Variants in ATG3 observed in about 807,000 individuals in gnomAD.
ATG3 encodes the protein autophagy related 3, also known as ubiquitin-like-conjugating enzyme ATG3.
A neutral mutation model predicts 50.7 loss-of-function variants in ATG3; 25 were observed. That is an observed-to-expected ratio of 0.49 (90% confidence interval 0.36 to 0.69). ATG3 has a LOEUF of 0.69. Ranked by LOEUF, ATG3 falls within the 30% of genes least tolerant of loss-of-function variation. The pLI is 0.00. For synonymous variants in ATG3, 119 were observed against 125.5 expected, an observed-to-expected ratio of 0.95 and a Z score of 0.34; for missense variants, 281 against 376.0, an observed-to-expected ratio of 0.75 and a Z score of 2.09.
At chr3:112,561,356 AC>A in intron 1 of ATG3, 100 bp downstream of exon 1, 3 of 1,269,084 alleles carry the variant, frequency 2.4e-6, no homozygotes, top group Non-Finnish European at 3.4e-6. Context: ...CTGCCTTCCT[AC>A]ACCTTGCCCC....
chr3:112,541,708 C>A, intron 7 of ATG3, 95 bp downstream of exon 7: 1 of 1,127,470 alleles, frequency 8.9e-7, no homozygotes, highest in Non-Finnish European at 1.3e-6. Flanking sequence ...AAATGCTAAA[C>A]TTACAACTCA....
chr3:112,537,718 A>C lies in ATG3; in HGVS notation c.666+17T>G. ...TTTAAAATATTGATATTAAAATATA[A>C]TGCTTTTCATTTTTACCTCATCATA... On this transcript the variant is annotated intron_variant, in intron 9 of 11. Coordinates refer to ENST00000283290, the MANE Select transcript of ATG3 (RefSeq NM_022488.5). The C allele has an allele frequency of 6.6e-7, 1 of 1,524,998 alleles. No homozygotes were observed. The highest frequency in any genetic ancestry group is 8.8e-7 in the Non-Finnish European group (1 of 1,135,878). 94.5% of individuals were successfully genotyped at this position (1,524,998 alleles called of 1,614,324 possible). A position where few individuals can be genotyped will look rare whatever the true frequency, so the allele number is the denominator to read the frequency against.
chr3:112,546,158 A>AAAC (rs562946863), intron 5 of ATG3, among the ~76,000 whole-genome samples: 1 of 151,194 alleles, frequency 6.6e-6, no homozygotes, highest in Non-Finnish European at 1.5e-5. Context: ...AAAAAACAAA[A>AAAC]AACAACAACA....
At chr3:112,551,218 T>C (rs1004898827) in intron 3 of ATG3, among the ~76,000 whole-genome samples, 1 of 152,188 alleles carries the variant, frequency 6.6e-6, no homozygotes, top group African/African-American at 2.4e-5. Flanking sequence ...GTTCAAACCA[T>C]AGATCTGGGC....
chr3:112,544,157 C>G (rs375767904), intron 5 of ATG3, 51 bp from the exon 6 acceptor site: 13 of 1,398,316 alleles, frequency 9.3e-6, no homozygotes, highest in African/African-American at 5.8e-5. Flanking sequence ...TGTAAACACC[C>G]TATTTACTTA....
intron 2 of ATG3, among the ~76,000 whole-genome samples, chr3:112,556,853 T>C (rs549769866): frequency 6.6e-6 from 1 of 151,924 alleles, no homozygotes; most frequent in South Asian, 2.1e-4. Flanking sequence ...TCATCACCAC[T>C]CCCTAACCTC....
chr3:112,534,423 A>C, intron 10 of ATG3, 86 bp from the exon 11 acceptor site: 1 of 1,087,560 alleles, frequency 9.2e-7, no homozygotes, highest in East Asian at 2.6e-5. Context: ...AAAGAAATCG[A>C]CCCTATTACT....
In ATG3 at chr3:112,540,501, C is replaced by A. The variant is rs190640304; in HGVS notation, c.475+1302G>T. The stretch of plus-strand genomic sequence containing the variant: ...CCCTATTTACATATATAAATATATT[C>A]ATATTTCAACTCTCACAAAGTACTG... On this transcript the variant is annotated intron_variant, in intron 7 of 11. Coordinates refer to ENST00000283290, the MANE Select transcript of ATG3 (RefSeq NM_022488.5). 7.2e-5 allele frequency among the ~76,000 whole-genome samples: 11 copies of A among 151,914 alleles called. No individual in the cohort carries two copies. In the East Asian group the frequency reaches 2.1e-3, roughly 29 times the overall value.
rs1282363394 is a variant in ATG3 at position 112,536,488 on chromosome 3, C to A, written c.781G>T (p.Val261Phe). The A allele has an allele frequency of 6.2e-7, 1 of 1,613,690 alleles. No homozygotes were observed. The highest frequency in any genetic ancestry group is 2.2e-5 in the East Asian group (1 of 44,888). ...PHLPPPPMCSVHPCRHAEVMK... is the reference protein window; with the variant it reads ...PHLPPPPMCSFHPCRHAEVMK... ...ACATATACAGACCTGCATGGGTGAACTGAACACATGGGAGGTGGTGGCAGA... is the reference window on the plus strand; with the variant it reads ...ACATATACAGACCTGCATGGGTGAAATGAACACATGGGAGGTGGTGGCAGA... The change falls in exon 10 of 12, where the codon GTT becomes TTT. Residue 261 changes from valine (V) to phenylalanine (F), a missense_variant. Coordinates refer to ENST00000283290, the MANE Select transcript of ATG3 (RefSeq NM_022488.5).
In ATG3 at chr3:112,556,158, A is replaced by C. The variant is rs1933664044; in HGVS notation, c.114+2218T>G. Among the ~76,000 whole-genome samples the C allele has an allele frequency of 2.6e-5, 4 of 152,382 alleles. No homozygotes were observed. The South Asian group carries it at 8.3e-4, about 32-fold the overall frequency. On this transcript the variant is annotated intron_variant, in intron 2 of 11. Coordinates refer to ENST00000283290, the MANE Select transcript of ATG3 (RefSeq NM_022488.5). ...TTTGAGGTAATAAAACCTAAGGCAG[A>C]ATAGGATCTTTACAGAATGTCTAGC...
chr3:112,544,141 T>C, intron 5 of ATG3, 35 bp from the exon 6 acceptor site: 8 of 1,523,816 alleles, frequency 5.2e-6, no homozygotes, highest in Non-Finnish European at 7.3e-6. Flanking sequence ...ATAACTAAAA[T>C]TAAACTGTAA....
At chr3:112,557,094 T>C (rs992344090) in intron 2 of ATG3, among the ~76,000 whole-genome samples, 4 of 151,904 alleles carry the variant, frequency 2.6e-5, no homozygotes, top group Admixed American at 2.6e-4. Flanking sequence ...ACCATGTGTC[T>C]TCACCAAAAA....
chr3:112,560,819 A>G (rs1361369065), intron 1 of ATG3, among the ~76,000 whole-genome samples: 2 of 152,218 alleles, frequency 1.3e-5, no homozygotes, highest in African/African-American at 4.8e-5. Flanking sequence ...TTTAAAAATT[A>G]TACAGCCAGG....
chr3:112,558,949 G>A (rs894165099), intron 1 of ATG3, among the ~76,000 whole-genome samples: 1 of 152,106 alleles, frequency 6.6e-6, no homozygotes, highest in African/African-American at 2.4e-5. Flanking sequence ...ATGTTTGTCA[G>A]GCTGGTCTCG....
intron 11 of ATG3, 47 bp from the exon 12 acceptor site, chr3:112,532,827 G>A (rs11923995): frequency 2.6e-6 from 4 of 1,524,708 alleles, no homozygotes; most frequent in Non-Finnish European, 3.5e-6. Flanking sequence ...ATAGTTCTAT[G>A]TTTTAAGCCC....
chr3:112,537,668 T>TTA, intron 9 of ATG3, 67 bp downstream of exon 9: 1 of 1,259,036 alleles, frequency 7.9e-7, no homozygotes. Flanking sequence ...ATGGACCTAA[T>TTA]GAAGAAGAAA....
chr3:112,560,436 A>G (rs1933823824), intron 1 of ATG3, among the ~76,000 whole-genome samples: 1 of 152,216 alleles, frequency 6.6e-6, no homozygotes, highest in South Asian at 2.1e-4. Context: ...CTTTACAAAA[A>G]CGTATTTTAA....
chr3:112,547,007 A>C (rs1159740243), intron 5 of ATG3, among the ~76,000 whole-genome samples: 1 of 152,242 alleles, frequency 6.6e-6, no homozygotes, highest in Admixed American at 6.5e-5. Context: ...AAGAGATGGC[A>C]GTATCCTTTA....
In ATG3 at chr3:112,537,562, T is replaced by C. The variant is rs979827832; in HGVS notation, c.666+173A>G. The C allele has an allele frequency of 3.1e-5, 15 of 484,046 alleles. No homozygotes were observed. In the East Asian group the frequency reaches 3.3e-4, roughly 11 times the overall value. 30.0% of individuals were successfully genotyped at this position (484,046 alleles called of 1,614,324 possible). ...CATTATTGTTACACTGAATAATTCATAGTTCATTCAAAATAAGAAAGAATC... is the reference window on the plus strand; with the variant it reads ...CATTATTGTTACACTGAATAATTCACAGTTCATTCAAAATAAGAAAGAATC... On this transcript the variant is annotated intron_variant, in intron 9 of 11. Transcript: ENST00000283290.
Sources: gnomAD v4.1 joint callset for allele counts (sites outside exome capture counted in the v4.1 genomes callset) on GRCh38, gnomAD v4.1.1 for gene constraint, MANE v1.5 for transcripts, NCBI Gene and HGNC (gene_info 2026-07-23, HGNC 2026-07-21) for gene names.